The following GRIA1 variants were observed in gnomAD, a reference collection of about 807,000 sequenced individuals.
GRIA1 encodes the protein glutamate receptor 1.
Under a neutral mutation model 99.2 loss-of-function variants are expected in GRIA1, and 31 were observed. The observed-to-expected ratio is 0.31, with a 90% CI of 0.23 to 0.42. GRIA1 has a LOEUF of 0.42. GRIA1 is among the 10% of genes least tolerant of loss of function. The pLI is 1.00. For synonymous variants in GRIA1, 438 were observed against 432.4 expected, an observed-to-expected ratio of 1.01 and a Z score of -0.16; for missense variants, 782 against 1,157.5, an observed-to-expected ratio of 0.68 and a Z score of 4.71.
At chr5:153,715,537 A>G (rs538507148) in intron 11 of GRIA1, among the ~76,000 whole-genome samples, 1 of 152,238 alleles carries the variant, frequency 6.6e-6, no homozygotes, top group South Asian at 2.1e-4. Context: ...CACTTCTGGA[A>G]AACAGGAAAA....
intron 8 of GRIA1, among the ~76,000 whole-genome samples, chr5:153,697,200 G>C (rs988292813): frequency 1.3e-5 from 2 of 152,120 alleles, no homozygotes; most frequent in Non-Finnish European, 2.9e-5. Context: ...CTTGGCTTTT[G>C]CTTCTCTGAA....
intron 2 of GRIA1, among the ~76,000 whole-genome samples, chr5:153,581,104 C>T (rs963748911): frequency 1.3e-5 from 2 of 152,328 alleles, no homozygotes; most frequent in East Asian, 1.9e-4. Flanking sequence ...CCTACTCTCC[C>T]GTTTTTGCCC....
At chr5:153,800,864 T>C (rs1478383651) in intron 14 of GRIA1, among the ~76,000 whole-genome samples, 1 of 152,134 alleles carries the variant, frequency 6.6e-6, no homozygotes, top group African/African-American at 2.4e-5. Context: ...GGCAATACGG[T>C]CCACCCCTTG....
chr5:153,613,711 T>C (rs1021737524), intron 2 of GRIA1, among the ~76,000 whole-genome samples: 2 of 87,632 alleles, frequency 2.3e-5, no homozygotes, highest in Admixed American at 2.1e-4. Flanking sequence ...AAACAGCCAC[T>C]TTTTTTTTTT....
At chr5:153,511,690 C>T (rs1756089826) in intron 2 of GRIA1, among the ~76,000 whole-genome samples, 1 of 152,196 alleles carries the variant, frequency 6.6e-6, no homozygotes, top group Non-Finnish European at 1.5e-5. Flanking sequence ...TATCTGCAGT[C>T]AGGTAGCAGC....
chr5:153,794,548 TC>T, intron 13 of GRIA1, 72 bp from the exon 14 acceptor site: 1 of 1,004,210 alleles, frequency 1.0e-6, no homozygotes, highest in Non-Finnish European at 1.6e-6. Context: ...GATTCACCGA[TC>T]CCTTGGGTCA....
chr5:153,759,329 A>T (rs1763028330), intron 11 of GRIA1, among the ~76,000 whole-genome samples: 2 of 151,768 alleles, frequency 1.3e-5, no homozygotes, highest in African/African-American at 2.4e-5. Flanking sequence ...GACTGAGAAA[A>T]TAAGAGAAAT....
intron 11 of GRIA1, among the ~76,000 whole-genome samples, chr5:153,729,142 C>G (rs1325659101): frequency 6.6e-6 from 1 of 150,598 alleles, no homozygotes; most frequent in Non-Finnish European, 1.5e-5. Context: ...GAACAAAAAA[C>G]CAAACACCGC....
intron 8 of GRIA1, among the ~76,000 whole-genome samples, chr5:153,692,404 T>C (rs556383630): frequency 6.6e-6 from 1 of 152,374 alleles, no homozygotes. Flanking sequence ...TGGTTACATG[T>C]ACATTTTTAA....
chr5:153,721,092 C>G (rs1202563034), intron 11 of GRIA1, among the ~76,000 whole-genome samples: 2 of 152,196 alleles, frequency 1.3e-5, no homozygotes. Context: ...ATATATCAGC[C>G]TTCCCTAGTA....
intron 11 of GRIA1, among the ~76,000 whole-genome samples, chr5:153,735,901 C>A (rs1761345934): frequency 6.6e-6 from 1 of 151,958 alleles, no homozygotes; most frequent in Non-Finnish European, 1.5e-5. Context: ...GGAGAGAAAT[C>A]AAAAATTCAA....
intron 11 of GRIA1, among the ~76,000 whole-genome samples, chr5:153,724,056 G>A (rs892804942): frequency 1.8e-4 from 27 of 152,204 alleles, no homozygotes; most frequent in Non-Finnish European, 5.9e-5. Flanking sequence ...AACTTCCAGA[G>A]GAACGATCAG....
intron 13 of GRIA1, among the ~76,000 whole-genome samples, chr5:153,787,593 G>A (rs1052445860): frequency 6.6e-6 from 1 of 152,142 alleles, no homozygotes; most frequent in Non-Finnish European, 1.5e-5. Flanking sequence ...ACAGGATTTA[G>A]CATAAGAAAA....
intron 2 of GRIA1, among the ~76,000 whole-genome samples, chr5:153,591,042 A>T (rs1282261855): frequency 6.6e-6 from 1 of 152,194 alleles, no homozygotes; most frequent in Non-Finnish European, 1.5e-5. Context: ...TTCTTGACCC[A>T]GTCCTAGTTA....
chr5:153,657,985 A>G (rs1359123714), intron 5 of GRIA1, among the ~76,000 whole-genome samples: 23 of 152,110 alleles, frequency 1.5e-4, no homozygotes, highest in Admixed American at 1.0e-3. Context: ...CCAGATCCTT[A>G]GTGCTAGAGC....
intron 11 of GRIA1, among the ~76,000 whole-genome samples, chr5:153,735,503 G>A (rs1331873604): frequency 2.0e-5 from 3 of 152,188 alleles, no homozygotes; most frequent in Non-Finnish European, 2.9e-5. Context: ...AATTAGGTCA[G>A]GGGTCGATCT....
At chr5:153,774,259 G>C (rs368428936) in intron 13 of GRIA1, among the ~76,000 whole-genome samples, 21 of 152,018 alleles carry the variant, frequency 1.4e-4, no homozygotes, top group African/African-American at 4.8e-4. Context: ...AAACCATTCT[G>C]CATGACAGAG....
chr5:153,582,114 C>G (rs879157628), intron 2 of GRIA1, among the ~76,000 whole-genome samples: 1 of 152,082 alleles, frequency 6.6e-6, no homozygotes, highest in Non-Finnish European at 1.5e-5. Flanking sequence ...AATAAAGGTG[C>G]CGTAGCACAG....
At chr5:153,565,911 C>G (rs897190122) in intron 2 of GRIA1, among the ~76,000 whole-genome samples, 4 of 152,034 alleles carry the variant, frequency 2.6e-5, no homozygotes, top group African/African-American at 9.7e-5. Flanking sequence ...TTTTTGACTA[C>G]TATGACTAAT....
Sources: allele counts gnomAD v4.1 joint callset (sites outside exome capture counted in the v4.1 genomes callset), GRCh38; gene constraint gnomAD v4.1.1; transcripts MANE v1.5; gene names NCBI Gene and HGNC (gene_info 2026-07-23, HGNC 2026-07-21).